CARD14: variants seen among roughly 807,000 people sequenced by gnomAD.
The protein encoded by CARD14 is caspase recruitment domain family member 14.
In CARD14, 107 loss-of-function variants were observed where a neutral mutation model predicts 111.5. The ratio of observed to expected loss-of-function variants is 0.96; its 90% CI spans 0.82 to 1.13. The LOEUF (loss-of-function observed/expected upper bound fraction) is 1.13, where lower values mean the gene tolerates loss of function less well. Among genes scored for constraint, CARD14 ranks in the 50% most tolerant of loss-of-function variants. CARD14 has a pLI of 0.00. For synonymous variants in CARD14, 617 were observed against 579.6 expected (o/e 1.06, Z -0.93); for missense variants, 1,322 against 1,362.3 (o/e 0.97, Z 0.47).
At chr17:80,179,792 A>G (rs1161776549) in intron 4 of CARD14, among the ~76,000 whole-genome samples, 1 of 152,210 alleles carries the variant, frequency 6.6e-6, no homozygotes, top group African/African-American at 2.4e-5. Flanking sequence ...CGATCACGCT[A>G]CTGCGTTCCA....
intron 12 of CARD14, among the ~76,000 whole-genome samples, chr17:80,194,158 C>A (rs2040626956): frequency 6.6e-6 from 1 of 152,110 alleles, no homozygotes; most frequent in African/African-American, 2.4e-5. Context: ...CCAACACACA[C>A]ACACTCCACC....
At chr17:80,184,480 G>T (rs966890624) in intron 7 of CARD14, among the ~76,000 whole-genome samples, 2 of 152,228 alleles carry the variant, frequency 1.3e-5, no homozygotes, top group African/African-American at 4.8e-5. Context: ...GCTGCCCGTG[G>T]CCTGGCTGGC....
intron 20 of CARD14, chr17:80,204,769 G>C (rs1311884519): frequency 4.3e-6 from 2 of 463,646 alleles, no homozygotes; most frequent in East Asian, 3.4e-5. Flanking sequence ...ATCCTCCCTT[G>C]GGCCTATAGG....
At chr17:80,180,835 T>A (rs1006117936) in intron 4 of CARD14, among the ~76,000 whole-genome samples, 2 of 152,192 alleles carry the variant, frequency 1.3e-5, no homozygotes, top group Non-Finnish European at 2.9e-5. Flanking sequence ...CAATCTCAGC[T>A]CACCACAACC....
At chr17:80,200,739 C>G (rs1323087995) in intron 16 of CARD14, 2 of 156,542 alleles carry the variant, frequency 1.3e-5, no homozygotes, top group Non-Finnish European at 2.8e-5. Context: ...ATACACTGAA[C>G]CATAATTCAG....
intron 19 of CARD14, 65 bp from the exon 20 acceptor site, chr17:80,204,162 T>C: frequency 6.8e-7 from 1 of 1,479,282 alleles, no homozygotes; most frequent in Non-Finnish European, 9.1e-7. Flanking sequence ...TCATCTCCCC[T>C]GAATTCCCAT....
At chr17:80,187,454 A>G (rs891988252) in intron 7 of CARD14, among the ~76,000 whole-genome samples, 1 of 152,120 alleles carries the variant, frequency 6.6e-6, no homozygotes, top group Non-Finnish European at 1.5e-5. Flanking sequence ...AATTCGGTTC[A>G]TTTGTTCTGG....
intron 2 of CARD14, among the ~76,000 whole-genome samples, chr17:80,174,020 C>T (rs1163855818): frequency 6.6e-6 from 1 of 152,016 alleles, no homozygotes; most frequent in Non-Finnish European, 1.5e-5. Context: ...ATTACAAAAA[C>T]CTTGATAAAT....
intron 22 of CARD14, 124 bp from the exon 23 acceptor site, chr17:80,206,846 G>A: frequency 3.9e-6 from 2 of 512,890 alleles, no homozygotes; most frequent in Non-Finnish European, 7.0e-6. Flanking sequence ...ACAAAATTCA[G>A]CTCTGCCCAG....
chr17:80,184,817 G>A (rs966799244), intron 7 of CARD14, among the ~76,000 whole-genome samples: 1 of 131,252 alleles, frequency 7.6e-6, no homozygotes, highest in Non-Finnish European at 1.6e-5. Flanking sequence ...TTCTCAGCTG[G>A]TCCTGGACTC....
At chr17:80,184,502 C>A (rs2040278851) in intron 7 of CARD14, among the ~76,000 whole-genome samples, 2 of 152,248 alleles carry the variant, frequency 1.3e-5, no homozygotes, top group Non-Finnish European at 2.9e-5. Context: ...TGTCTGTGAA[C>A]TGCCCATCCT....
At position 80,198,640 on chromosome 17, in the gene CARD14, G is replaced by A. The variant is rs745687693; in HGVS notation, c.1851+49G>A. ...GTCCCCCGGGCTCCTCATGGGGACA[G>A]TGGCAGCGGGTGGGGTGACCCAGGC... On this transcript the variant is annotated intron_variant, in intron 16 of 23. Coordinates refer to ENST00000648509, the MANE Select transcript of CARD14 (RefSeq NM_001366385.1). This position sits in a 1 kb window ranked among gnomAD's most constrained non-coding sequence, Gnocchi z 7.5. 4.3e-6 allele frequency: 7 copies of A among 1,609,222 alleles called. No homozygotes were observed. The highest frequency in any genetic ancestry group is 5.9e-6 in the Non-Finnish European group (7 of 1,179,552).
chr17:80,193,055 G>A, intron 12 of CARD14, among the ~76,000 whole-genome samples: 1 of 152,134 alleles, frequency 6.6e-6, no homozygotes, highest in East Asian at 1.9e-4. Flanking sequence ...TGGCCCTATT[G>A]CGAGAGTTTT....
intron 20 of CARD14, 132 bp downstream of exon 20, chr17:80,204,473 A>C: frequency 4.6e-6 from 4 of 864,930 alleles, no homozygotes; most frequent in East Asian, 2.8e-5. Context: ...TTCAAGAATC[A>C]TGGGGCTGGG....
chr17:80,208,279 C>T lies in CARD14; in HGVS notation c.2949C>T (p.Ser983=), dbSNP rs747407619. 2 of 1,599,416 alleles carry T rather than the reference C, an allele frequency of 1.3e-6. No individual in the cohort carries two copies. Among genetic ancestry groups the T allele is most frequent in the East Asian group, 4.5e-5 (2 of 44,330 alleles). The part of the protein sequence containing the change: ...DGWSDLDGLL[S]CVRQAIADEQ... ...GGAGCGACCTGGACGGCCTGCTCAGCTGTGTCCGCCAGGCCATCGCCGACG... is the reference window on the plus strand; with the variant it reads ...GGAGCGACCTGGACGGCCTGCTCAGTTGTGTCCGCCAGGCCATCGCCGACG... Residue 983 remains serine, a synonymous_variant, in exon 24 of 24, where the codon AGC becomes AGT. Transcript: ENST00000648509.
chr17:80,201,671 T>G lies in CARD14; in HGVS notation c.1852-73T>G. The G allele has an allele frequency of 6.4e-7, 1 of 1,565,800 alleles. No homozygotes were observed. Among genetic ancestry groups the G allele is most frequent in the Non-Finnish European group, 8.8e-7 (1 of 1,138,382 alleles). ...TGGCCCGCGCCTCGCCTCAGTGCCC[T>G]CAGCGCCTTCTGTCTTCTGGCTGGA... On this transcript the variant is annotated intron_variant, in intron 16 of 23. Transcript: ENST00000648509. The surrounding 1 kb of genome is among the most constrained non-coding windows in gnomAD (Gnocchi z 5.0).
In CARD14 at chr17:80,188,122, C is replaced by T. The variant is rs1169095190; in HGVS notation, c.676-255C>T. ...AAGGCCTCTTGGTCTATTCCTGGGA[C>T]CCTAACCCTGGATGGAGTTCAACCG... On this transcript the variant is annotated intron_variant, in intron 7 of 23. Coordinates refer to ENST00000648509, the MANE Select transcript of CARD14 (RefSeq NM_001366385.1). This position sits in a 1 kb window ranked among gnomAD's most constrained non-coding sequence, Gnocchi z 4.5. The T allele has an allele frequency of 6.1e-6, 3 of 490,034 alleles. No individual in the cohort carries two copies. The highest frequency in any genetic ancestry group is 8.8e-6 in the Non-Finnish European group (3 of 339,304). The allele number at this position is 490,034 out of a possible 1,614,324, so 30.4% of individuals were successfully genotyped here.
Position 80,182,756 on chromosome 17 carries a change from G to A in CARD14, c.315G>A (p.Gly105=). Residue 105 remains glycine (G), a synonymous_variant, in exon 6 of 24, where the codon GGG becomes GGA. Coordinates refer to ENST00000648509, the MANE Select transcript of CARD14 (RefSeq NM_001366385.1). This position sits in a 1 kb window ranked among gnomAD's most constrained non-coding sequence, Gnocchi z 4.7. The part of the protein sequence containing the change: ...HNPDVYTLVT[G]LQPDVDFSNF... ...CTGACGTCTACACCCTGGTCACCGG[G>A]CTGCAGCCTGATGTTGACTTCAGTA... 6.2e-7 allele frequency: 1 copy of A among 1,614,202 alleles called. No individual in the cohort carries two copies. Among genetic ancestry groups the A allele is most frequent in the Non-Finnish European group, 8.5e-7 (1 of 1,180,020 alleles).
rs371578752 is a variant in CARD14 at position 80,182,809 on chromosome 17, A to G, written c.349+19A>G. On this transcript the variant is annotated intron_variant, in intron 6 of 23. Coordinates refer to ENST00000648509, the MANE Select transcript of CARD14 (RefSeq NM_001366385.1). The surrounding 1 kb of genome is among the most constrained non-coding windows in gnomAD (Gnocchi z 4.7). ...TTTAGCGGTGAGAGCTCCGACTTTG[A>G]CGGTTTGGCAGGCACTTCTAGGAAC... 3 of 1,613,532 alleles carry G rather than the reference A, an allele frequency of 1.9e-6. No individual in the cohort carries two copies. In the African/African-American group the frequency reaches 4.0e-5, roughly 22 times the overall value.
Sources: allele counts gnomAD v4.1 joint callset (sites outside exome capture counted in the v4.1 genomes callset), GRCh38; gene constraint gnomAD v4.1.1; non-coding constraint Gnocchi (gnomAD v3.1); transcripts MANE v1.5; gene names NCBI Gene and HGNC (gene_info 2026-07-23, HGNC 2026-07-21).